Variants in C16orf46 observed in about 807,000 individuals in gnomAD.
C16orf46 encodes chromosome 16 open reading frame 46.
In C16orf46, 7 loss-of-function variants were observed where a neutral mutation model predicts 5.5. The ratio of observed to expected loss-of-function variants is 1.28; its 90% confidence interval spans 0.73 to 2.40. The LOEUF is 2.40. Ranked by LOEUF, C16orf46 falls within the 30% of genes most tolerant of loss-of-function variation. C16orf46 has a pLI of 0.00. For missense variants in C16orf46, 614 were observed against 476.0 expected (o/e 1.29, Z -2.70); for synonymous variants, 200 against 184.1 (o/e 1.09, Z -0.70).
At chr16:81,076,047 G>C (rs955026311) in intron 1 of C16orf46, among the ~76,000 whole-genome samples, 2 of 152,174 alleles carry the variant, frequency 1.3e-5, no homozygotes, top group African/African-American at 4.8e-5. Flanking sequence ...GTTTCTGGCA[G>C]CCTCATTTGG....
chr16:81,071,794 G>C (rs1463937552), intron 1 of C16orf46, among the ~76,000 whole-genome samples: 1 of 152,178 alleles, frequency 6.6e-6, no homozygotes, highest in Non-Finnish European at 1.5e-5. Context: ...TAACTCATTA[G>C]TGGTACCATC....
intron 1 of C16orf46, chr16:81,072,225 ATACAGGTAAG>A (rs1396542634): frequency 6.6e-6 from 1 of 151,884 alleles, no homozygotes; most frequent in Non-Finnish European, 1.5e-5. Context: ...AGTCTGTCCT[ATACAGGTAAG>A]TACAGTTACT....
chr16:81,065,216 T>C (rs775653674), intron 2 of C16orf46, among the ~76,000 whole-genome samples: 2 of 152,202 alleles, frequency 1.3e-5, no homozygotes, highest in African/African-American at 2.4e-5. Context: ...CTCACGCCTG[T>C]AATCCCAGTA....
Position 81,054,074 on chromosome 16 carries a change from C to G in C16orf46, c.1164G>C (p.Lys388Asn), listed in dbSNP as rs12928648. 9.0e-3 allele frequency: 14,590 copies of G among 1,612,326 alleles called. 251 individuals are homozygous for G. The highest frequency in any genetic ancestry group is 0.057 in the East Asian group (2,561 of 44,854). The change falls in exon 4 of 4, where the codon AAG (lysine) becomes AAC (asparagine). Residue 388 changes from lysine (K) to asparagine (N), a missense_variant. Transcript: ENST00000378611. ...GAATGTGAAACTGATCCCTCTCCTA[C>G]TTTATCTTCTTTTTCCTGTGCTGTA...
At chr16:81,073,504 G>A (rs1179356650) in intron 1 of C16orf46, among the ~76,000 whole-genome samples, 2 of 152,094 alleles carry the variant, frequency 1.3e-5, no homozygotes, top group African/African-American at 4.8e-5. Context: ...CTAATCCCTG[G>A]ATGAATAGGA....
intron 1 of C16orf46, chr16:81,069,977 T>C (rs536745776): frequency 2.0e-5 from 3 of 152,070 alleles, no homozygotes; most frequent in East Asian, 1.9e-4. Context: ...ACAAAAAAAA[T>C]TAGCTGGGCA....
intron 1 of C16orf46, among the ~76,000 whole-genome samples, chr16:81,071,752 T>C (rs563690744): frequency 2.0e-5 from 3 of 152,126 alleles, no homozygotes; most frequent in Admixed American, 6.5e-5. Context: ...ATGCATAACA[T>C]AACTGGTACA....
intron 3 of C16orf46, chr16:81,055,403 G>C (rs183941872): frequency 1.3e-5 from 2 of 152,258 alleles, no homozygotes; most frequent in South Asian, 4.1e-4. Flanking sequence ...TTTAATAAGT[G>C]GTAAAACTAG....
chr16:81,067,629 T>C (rs754203590), intron 1 of C16orf46, among the ~76,000 whole-genome samples: 6 of 152,024 alleles, frequency 3.9e-5, no homozygotes, highest in Non-Finnish European at 8.8e-5. Context: ...CTCGGATCAC[T>C]GCAACCTCCG....
At chr16:81,071,194 T>C (rs990606251) in intron 1 of C16orf46, among the ~76,000 whole-genome samples, 22 of 152,182 alleles carry the variant, frequency 1.4e-4, no homozygotes, top group Non-Finnish European at 2.5e-4. Context: ...GTTCCTGATA[T>C]GACTGCTCCT....
rs1971649722 is a variant in C16orf46, at chr16:81,066,186, T to A, written c.-39+7A>T. 1 of 152,060 alleles carries A rather than the reference T, an allele frequency of 6.6e-6. No homozygotes were observed. The highest frequency in any genetic ancestry group is 6.6e-5 in the Admixed American group (1 of 15,248). 9.4% of individuals were successfully genotyped at this position (152,060 alleles called of 1,614,324 possible). On this transcript the variant is annotated splice_region_variant and intron_variant, in intron 2 of 3. Coordinates refer to ENST00000299578, the MANE Select transcript of C16orf46 (RefSeq NM_152337.3). ...ATTATTAATCAGAAGGTCAGATTACTGCATACCAGATCACCAGATGCACCT... is the reference window on the plus strand; with the variant it reads ...ATTATTAATCAGAAGGTCAGATTACAGCATACCAGATCACCAGATGCACCT...
rs139506410 is a variant in C16orf46 at position 81,061,495 on chromosome 16, G to T, written c.854C>A (p.Ala285Glu). The change falls in exon 4 of 4, where the codon GCG (alanine) becomes GAG (glutamate). Residue 285 changes from alanine to glutamate, a missense_variant. By Grantham distance (107) the Ala-to-Glu change is moderately radical. Transcript: ENST00000299578. ...VNDTPSSPSP[A>E]AQISLLTDPE... is the part of the protein sequence containing the mutation. ...ATCGGTCAGCAGGGATATCTGGGCCGCTGGGGAAGGGGAGGATGGCGTGTC... is the reference window on the plus strand; with the variant it reads ...ATCGGTCAGCAGGGATATCTGGGCCTCTGGGGAAGGGGAGGATGGCGTGTC... 5.0e-6 allele frequency: 8 copies of T among 1,614,066 alleles called. No homozygotes were observed. The highest frequency in any genetic ancestry group is 4.2e-6 in the Non-Finnish European group (5 of 1,180,038).
At chr16:81,054,947 C>G (rs1218360542) in intron 3 of C16orf46, among the ~76,000 whole-genome samples, 1 of 152,104 alleles carries the variant, frequency 6.6e-6, no homozygotes, top group Non-Finnish European at 1.5e-5. Flanking sequence ...CGTGCCTGGC[C>G]AACAGGTCGT....
chr16:81,057,192 A>G (rs971027122), downstream of C16orf46, among the ~76,000 whole-genome samples: 3 of 152,160 alleles, frequency 2.0e-5, no homozygotes, highest in Non-Finnish European at 2.9e-5. Flanking sequence ...GGCTTTGAGC[A>G]TTGCTGTAAA....
At position 81,061,483 on chromosome 16, in the gene C16orf46, G is replaced by A. The variant is rs1971469934; in HGVS notation, c.866C>T (p.Ser289Phe). ...GCGCTGCTCCGGATCGGTCAGCAGG[G>A]ATATCTGGGCCGCTGGGGAAGGGGA... ...PSSPSPAAQI[S>F]LLTDPEQRCL... The change falls in exon 4 of 4, where the codon TCC becomes TTC. Residue 289 changes from serine to phenylalanine, a missense_variant. Ser to Phe is a radical substitution (Grantham distance 155). Transcript: ENST00000299578. 1 of 1,614,198 alleles carries A rather than the reference G, an allele frequency of 6.2e-7. No homozygotes were observed. Among genetic ancestry groups the A allele is most frequent in the Non-Finnish European group, 8.5e-7 (1 of 1,180,034 alleles).
Position 81,063,942 on chromosome 16 carries a change from T to A in C16orf46, c.14A>T (p.Gln5Leu). 1 of 1,612,494 alleles carries A rather than the reference T, an allele frequency of 6.2e-7. No individual in the cohort carries two copies. Among genetic ancestry groups the A allele is most frequent in the Non-Finnish European group, 8.5e-7 (1 of 1,179,116 alleles). Residue 5 changes from glutamine (Q) to leucine (L), a missense_variant, in exon 3 of 4, where the codon CAG (glutamine) becomes CTG (leucine). Coordinates refer to ENST00000299578, the MANE Select transcript of C16orf46 (RefSeq NM_152337.3). MDLC[Q>L]KNETDLENAE... ...ATTTTCTAAGTCAGTCTCATTTTTC[T>A]GACAGAGATCCATTACTGTGATGCT...
chr16:81,057,386 TAAA>T (rs1242642191), downstream of C16orf46, among the ~76,000 whole-genome samples: 2 of 151,754 alleles, frequency 1.3e-5, no homozygotes, highest in African/African-American at 4.8e-5. Flanking sequence ...CTGTCTCTAC[TAAA>T]AATACAAAAA....
downstream of C16orf46, chr16:81,058,138 A>G (rs1056015176): frequency 2.6e-4 from 40 of 152,590 alleles, 1 homozygote; most frequent in African/African-American, 9.4e-4. Context: ...AAATGCATTA[A>G]AATGACAGAA....
At chr16:81,074,090 G>T (rs1380493707) in intron 1 of C16orf46, among the ~76,000 whole-genome samples, 8 of 152,168 alleles carry the variant, frequency 5.3e-5, no homozygotes, top group Admixed American at 3.3e-4. Context: ...CTCAAATTAA[G>T]TCATCCGCAA....
Sources: allele counts gnomAD v4.1 joint callset (sites outside exome capture counted in the v4.1 genomes callset), GRCh38; gene constraint gnomAD v4.1.1; transcripts MANE v1.5; gene names NCBI Gene and HGNC (gene_info 2026-07-23, HGNC 2026-07-21).